Variants in SMYD2 observed in about 807,000 individuals in gnomAD.
SMYD2 encodes N-lysine methyltransferase SMYD2.
Under a neutral mutation model 59.1 loss-of-function variants are expected in SMYD2, and 53 were observed. The observed-to-expected ratio is 0.90, with a 90% confidence interval of 0.72 to 1.13. SMYD2 has a LOEUF of 1.13. Ranked by LOEUF, SMYD2 falls within the 50% of genes most tolerant of loss-of-function variation. SMYD2 has a pLI of 0.00. For synonymous variants in SMYD2, 208 were observed against 198.8 expected (o/e 1.05, Z -0.39); for missense variants, 494 against 544.7 (o/e 0.91, Z 0.93).
At chr1:214,296,748 A>G (rs1656736007) in intron 1 of SMYD2, among the ~76,000 whole-genome samples, 2 of 151,034 alleles carry the variant, frequency 1.3e-5, no homozygotes, top group African/African-American at 4.8e-5. Context: ...CCAAGATCAC[A>G]TAGTACATCA....
intron 1 of SMYD2, among the ~76,000 whole-genome samples, chr1:214,299,484 C>CATATATAT (rs1656787939): frequency 4.9e-5 from 2 of 41,056 alleles, no homozygotes; most frequent in African/African-American, 1.8e-4. Flanking sequence ...TATATATATA[C>CATATATAT]ACCATAGAAT....
chr1:214,324,697 G>A lies in SMYD2; in HGVS notation c.591G>A (p.Ala197=), dbSNP rs144228071. ...EDEELSHLGS[A]IFPDVALMNH... ...AAGAACTTTCTCATTTGGGATCAGC[G>A]ATATTTCCTGAGTAGGCTGTGTTTG... Residue 197 remains alanine (A), a synonymous_variant, in exon 6 of 12, where the codon GCG becomes GCA. Coordinates refer to ENST00000366957, the MANE Select transcript of SMYD2 (RefSeq NM_020197.3). 1.5e-5 allele frequency: 24 copies of A among 1,612,460 alleles called. No homozygotes were observed. The highest frequency in any genetic ancestry group is 2.2e-5 in the East Asian group (1 of 44,804).
At chr1:214,298,028 T>C (rs567827291) in intron 1 of SMYD2, among the ~76,000 whole-genome samples, 7 of 152,264 alleles carry the variant, frequency 4.6e-5, no homozygotes, top group African/African-American at 1.7e-4. Flanking sequence ...ACCAAAGTCA[T>C]TTTTCACAGA....
chr1:214,318,009 T>G lies in SMYD2; in HGVS notation c.349-70T>G. 1 of 1,372,946 alleles carries G rather than the reference T, an allele frequency of 7.3e-7. No individual in the cohort carries two copies. The highest frequency in any genetic ancestry group is 1.0e-6 in the Non-Finnish European group (1 of 968,622). 85.0% of individuals were successfully genotyped at this position (1,372,946 alleles called of 1,614,324 possible). ...CTTTTTCTTTATGTTGATGTAAAAGTGAAAGTGCCACTTTATTACACTGGT... is the reference window on the plus strand; with the variant it reads ...CTTTTTCTTTATGTTGATGTAAAAGGGAAAGTGCCACTTTATTACACTGGT... On this transcript the variant is annotated intron_variant, in intron 3 of 11. Transcript: ENST00000366957. The surrounding 1 kb of genome is among the most constrained non-coding windows in gnomAD (Gnocchi z 5.4).
rs1052556146 is a variant in SMYD2 at position 214,312,152 on chromosome 1, T to C, written c.238-2610T>C. 6.6e-6 allele frequency among the ~76,000 whole-genome samples: 1 copy of C among 152,218 alleles called. No homozygotes were observed. Among genetic ancestry groups the C allele is most frequent in the African/African-American group, 2.4e-5 (1 of 41,452 alleles). ...TTCTTTTCCTCCCTGCTCTTAGTTA[T>C]ATTTGGCGCGGCATTATTTAACTCT... On this transcript the variant is annotated intron_variant, in intron 2 of 11. Coordinates refer to ENST00000366957, the MANE Select transcript of SMYD2 (RefSeq NM_020197.3). The surrounding 1 kb of genome is among the most constrained non-coding windows in gnomAD (Gnocchi z 4.1).
intron 5 of SMYD2, among the ~76,000 whole-genome samples, chr1:214,319,792 C>T (rs1657141392): frequency 6.6e-6 from 1 of 152,190 alleles, no homozygotes. Context: ...TTAAAGTGAC[C>T]TTCCCAGGTA....
At chr1:214,287,648 A>C (rs1356016679) in intron 1 of SMYD2, among the ~76,000 whole-genome samples, 2 of 151,376 alleles carry the variant, frequency 1.3e-5, no homozygotes, top group Non-Finnish European at 2.9e-5. Flanking sequence ...GCAGTTCTCA[A>C]CCTTGGGTTC....
At chr1:214,332,412 T>G in intron 10 of SMYD2, 1 of 516,540 alleles carries the variant, frequency 1.9e-6, no homozygotes, top group Non-Finnish European at 3.4e-6. Context: ...CAGCGGATAC[T>G]GGGGCAAGAT....
chr1:214,305,248 C>A lies in SMYD2; in HGVS notation c.235C>A (p.Gln79Lys). The change falls in exon 2 of 12, where the codon CAG (glutamine) becomes AAG (lysine). Residue 79 changes from glutamine (Q) to lysine (K), a missense_variant and splice_region_variant. Transcript: ENST00000366957. ...GGCATTTTACTGCAATGTGGAGTGT[C>A]AGGTAGGTGCTGGGCCATTGGCAGG... ...KQAFYCNVECQKEDWPMHKLE... is the reference protein window; with the variant it reads ...KQAFYCNVECKKEDWPMHKLE... 6.2e-7 allele frequency: 1 copy of A among 1,614,090 alleles called. No homozygotes were observed. The highest frequency in any genetic ancestry group is 1.1e-5 in the South Asian group (1 of 91,066).
At chr1:214,309,052 G>A (rs1558052770) in intron 2 of SMYD2, among the ~76,000 whole-genome samples, 1 of 152,150 alleles carries the variant, frequency 6.6e-6, no homozygotes, top group Non-Finnish European at 1.5e-5. Context: ...ATGGAGTAAG[G>A]CTTCTTAGGG....
chr1:214,323,023 CAG>C (rs903287029), intron 5 of SMYD2, among the ~76,000 whole-genome samples: 5 of 152,188 alleles, frequency 3.3e-5, no homozygotes, highest in African/African-American at 1.2e-4. Flanking sequence ...GCCTCACGGA[CAG>C]AGACTTCATA....
At chr1:214,297,765 C>G (rs1469420836) in intron 1 of SMYD2, among the ~76,000 whole-genome samples, 2 of 152,186 alleles carry the variant, frequency 1.3e-5, no homozygotes, top group Non-Finnish European at 2.9e-5. Flanking sequence ...CAAAATAGAT[C>G]AAAGGCGATT....
At chr1:214,301,504 A>G (rs138953601) in intron 1 of SMYD2, among the ~76,000 whole-genome samples, 9 of 152,206 alleles carry the variant, frequency 5.9e-5, no homozygotes, top group Admixed American at 5.9e-4. Flanking sequence ...GACTCATTTT[A>G]TCAAACCATA....
chr1:214,281,340 TG>T lies in SMYD2; in HGVS notation c.91del (p.Asp31ThrfsTer76). ...RGLRALQPFQ[V>X]GDLLFSCPAY... The stretch of plus-strand genomic sequence containing the variant: ...CTGCGGGCTCTGCAGCCCTTCCAGG[TG>T]GGGGACTTGCTGTTCTCCTGCCCGG... On this transcript the variant is annotated frameshift_variant, in exon 1 of 12. Transcript: ENST00000366957. LOFTEE classifies it high-confidence loss of function. The T allele has an allele frequency of 6.9e-7, 1 of 1,444,246 alleles. No homozygotes were observed. The highest frequency in any genetic ancestry group is 9.2e-7 in the Non-Finnish European group (1 of 1,090,146). The allele number at this position is 1,444,246 out of a possible 1,614,324, so 89.5% of individuals were successfully genotyped here.
chr1:214,291,196 C>T (rs1034117731), intron 1 of SMYD2, among the ~76,000 whole-genome samples: 1 of 152,214 alleles, frequency 6.6e-6, no homozygotes, highest in African/African-American at 2.4e-5. Context: ...CACCACGGAG[C>T]TTATTTTCCA....
At chr1:214,335,225 G>A (rs1558059554) in intron 11 of SMYD2, among the ~76,000 whole-genome samples, 1 of 152,186 alleles carries the variant, frequency 6.6e-6, no homozygotes, top group Non-Finnish European at 1.5e-5. Context: ...GATGGAATAA[G>A]GCCCACATCC....
At chr1:214,299,049 G>T (rs969264408) in intron 1 of SMYD2, among the ~76,000 whole-genome samples, 11 of 152,146 alleles carry the variant, frequency 7.2e-5, no homozygotes, top group Non-Finnish European at 1.2e-4. Flanking sequence ...TACTTGGGAG[G>T]CTGAGGTGAG....
At chr1:214,314,261 G>T (rs1179280188) in intron 2 of SMYD2, among the ~76,000 whole-genome samples, 1 of 152,080 alleles carries the variant, frequency 6.6e-6, no homozygotes, top group African/African-American at 2.4e-5. Context: ...CTTTCCAGTG[G>T]TTGCCCTTCA....
At chr1:214,293,376 C>T (rs181586023) in intron 1 of SMYD2, among the ~76,000 whole-genome samples, 1 of 152,248 alleles carries the variant, frequency 6.6e-6, no homozygotes, top group Admixed American at 6.5e-5. Flanking sequence ...TTAACTACTT[C>T]AGCCCACACA....
Sources: allele counts gnomAD v4.1 joint callset (sites outside exome capture counted in the v4.1 genomes callset), GRCh38; gene constraint gnomAD v4.1.1; non-coding constraint Gnocchi (gnomAD v3.1); transcripts MANE v1.5; gene names NCBI Gene and HGNC (gene_info 2026-07-23, HGNC 2026-07-21).